Variants in HMGCLL1 observed in about 807,000 individuals in gnomAD.
HMGCLL1 encodes 3-hydroxy-3-methylglutaryl-CoA lyase like 1.
HMGCLL1 carries 36 observed loss-of-function variants against 39.1 expected under a neutral mutation model. That is an observed-to-expected ratio of 0.92 (90% CI 0.71 to 1.22). The LOEUF (loss-of-function observed/expected upper bound fraction) is 1.22, where lower values mean the gene tolerates loss of function less well. HMGCLL1 is among the 50% of genes most tolerant of loss of function. HMGCLL1 has a pLI of 0.00. For missense variants in HMGCLL1, 451 were observed against 416.5 expected, an observed-to-expected ratio of 1.08 and a Z score of -0.72; for synonymous variants, 149 against 144.0, an observed-to-expected ratio of 1.03 and a Z score of -0.25.
the HMGCLL1 span, among the ~76,000 whole-genome samples, chr6:55,627,002 C>A: frequency 8.1e-6 from 1 of 123,172 alleles, no homozygotes; most frequent in Non-Finnish European, 1.6e-5. Context: ...GTCAAGACTA[C>A]AAATGACCCA....
the HMGCLL1 span, among the ~76,000 whole-genome samples, chr6:55,667,952 G>A: frequency 6.6e-6 from 1 of 150,696 alleles, no homozygotes; most frequent in Non-Finnish European, 1.5e-5. Flanking sequence ...ATGTTTCTTG[G>A]TTGCCCAATA....
intron 6 of HMGCLL1, among the ~76,000 whole-genome samples, chr6:55,496,352 A>G (rs983713083): frequency 1.3e-5 from 2 of 151,450 alleles, no homozygotes; most frequent in African/African-American, 2.4e-5. Flanking sequence ...CAGACTGTAG[A>G]TAGTGCCATT....
At chr6:55,587,149 G>A in the HMGCLL1 span, among the ~76,000 whole-genome samples, 1 of 152,162 alleles carries the variant, frequency 6.6e-6, no homozygotes, top group East Asian at 1.9e-4. Flanking sequence ...GGCCAGTCAT[G>A]ATGAGCATTT....
At chr6:55,552,228 A>AT (rs1770375108) in intron 1 of HMGCLL1, among the ~76,000 whole-genome samples, 1 of 152,008 alleles carries the variant, frequency 6.6e-6, no homozygotes, top group African/African-American at 2.4e-5. Flanking sequence ...TGTAGGGCAT[A>AT]TACATGTAGC....
intron 7 of HMGCLL1, among the ~76,000 whole-genome samples, chr6:55,460,277 A>G (rs1329287821): frequency 6.6e-6 from 1 of 152,006 alleles, no homozygotes; most frequent in Non-Finnish European, 1.5e-5. Flanking sequence ...AGCTATATTC[A>G]CAAAGGCTAA....
At chr6:55,437,841 A>G (rs1245713946) in intron 8 of HMGCLL1, among the ~76,000 whole-genome samples, 2 of 152,046 alleles carry the variant, frequency 1.3e-5, no homozygotes. Flanking sequence ...GCATCAATGT[A>G]GTCATAGCAG....
chr6:55,619,271 G>A, the HMGCLL1 span, among the ~76,000 whole-genome samples: 2 of 151,722 alleles, frequency 1.3e-5, no homozygotes, highest in Non-Finnish European at 2.9e-5. Flanking sequence ...AAATTGTAGT[G>A]AAAAAAAATT....
intron 3 of HMGCLL1, among the ~76,000 whole-genome samples, chr6:55,524,028 T>C (rs930016278): frequency 1.3e-5 from 2 of 151,986 alleles, no homozygotes; most frequent in Non-Finnish European, 2.9e-5. Flanking sequence ...AAAACTGTAG[T>C]AGTTCTTCTA....
upstream of HMGCLL1, among the ~76,000 whole-genome samples, chr6:55,582,201 C>T (rs1771997235): frequency 2.0e-5 from 3 of 152,296 alleles, no homozygotes; most frequent in South Asian, 6.2e-4. Context: ...TTGTTAGCAT[C>T]TGTATCCACA....
At chr6:55,492,987 A>C (rs1251247925) in intron 7 of HMGCLL1, among the ~76,000 whole-genome samples, 1 of 151,994 alleles carries the variant, frequency 6.6e-6, no homozygotes, top group African/African-American at 2.4e-5. Flanking sequence ...GCACAGAAAC[A>C]CACAGATCTC....
chr6:55,634,077 T>A, the HMGCLL1 span, among the ~76,000 whole-genome samples: 133 of 141,658 alleles, frequency 9.4e-4, no homozygotes, highest in African/African-American at 3.2e-3. Context: ...GAAGGCAAAC[T>A]TTTTTTTTTA....
chr6:55,547,525 C>A (rs1398658464), intron 1 of HMGCLL1, among the ~76,000 whole-genome samples: 2 of 151,698 alleles, frequency 1.3e-5, no homozygotes, highest in Non-Finnish European at 1.5e-5. Flanking sequence ...TCATGCACTT[C>A]ATTTCTTGAG....
At chr6:55,563,865 G>A in intron 1 of HMGCLL1, 1 of 1,287,928 alleles carries the variant, frequency 7.8e-7, no homozygotes, top group East Asian at 5.6e-5. Context: ...TGGGGATCAG[G>A]GCTTCCTGAG....
chr6:55,569,705 T>C (rs1438495061), intron 1 of HMGCLL1, among the ~76,000 whole-genome samples: 1 of 152,146 alleles, frequency 6.6e-6, no homozygotes, highest in Non-Finnish European at 1.5e-5. Flanking sequence ...AAAGTCCTTA[T>C]AATAAGCAAC....
intron 7 of HMGCLL1, among the ~76,000 whole-genome samples, chr6:55,459,877 A>G (rs1764482368): frequency 6.6e-6 from 1 of 152,062 alleles, no homozygotes. Flanking sequence ...ATCTGGCTAT[A>G]TAACTCTGTA....
chr6:55,443,128 T>C (rs1264140885), intron 7 of HMGCLL1, among the ~76,000 whole-genome samples: 3 of 151,162 alleles, frequency 2.0e-5, no homozygotes, highest in Non-Finnish European at 4.4e-5. Flanking sequence ...TATCCAGTGA[T>C]TCTCAAATCC....
the HMGCLL1 span, among the ~76,000 whole-genome samples, chr6:55,617,975 G>A: frequency 1.3e-5 from 2 of 152,026 alleles, no homozygotes; most frequent in Non-Finnish European, 2.9e-5. Context: ...AAGGAACGTG[G>A]ATTTTTATAA....
chr6:55,465,161 T>G (rs1191839116), intron 7 of HMGCLL1, among the ~76,000 whole-genome samples: 1 of 152,166 alleles, frequency 6.6e-6, no homozygotes, highest in African/African-American at 2.4e-5. Context: ...CATACCTGGT[T>G]TCTCCTAGTA....
At chr6:55,499,825 G>T (rs1766782047) in intron 5 of HMGCLL1, among the ~76,000 whole-genome samples, 1 of 151,790 alleles carries the variant, frequency 6.6e-6, no homozygotes, top group Non-Finnish European at 1.5e-5. Flanking sequence ...TCTCTCATGG[G>T]TTTACCTAAA....
Sources: gnomAD v4.1 joint callset for allele counts (sites outside exome capture counted in the v4.1 genomes callset) on GRCh38, gnomAD v4.1.1 for gene constraint, MANE v1.5 for transcripts, NCBI Gene and HGNC (gene_info 2026-07-23, HGNC 2026-07-21) for gene names.